VPS4A: variants seen among roughly 807,000 people sequenced by gnomAD.
VPS4A encodes vacuolar protein sorting-associated protein 4A.
VPS4A carries 20 observed loss-of-function variants against 52.3 expected under a neutral mutation model. The ratio of observed to expected loss-of-function variants is 0.38; its 90% CI spans 0.27 to 0.56. The LOEUF (loss-of-function observed/expected upper bound fraction) is 0.56, where lower values mean the gene tolerates loss of function less well. VPS4A is among the 20% of genes least tolerant of loss of function. The pLI, the probability that VPS4A is intolerant of heterozygous loss-of-function variation, is 0.72. For synonymous variants in VPS4A, 293 were observed against 227.7 expected, an observed-to-expected ratio of 1.29 and a Z score of -2.58; for missense variants, 419 against 575.9, an observed-to-expected ratio of 0.73 and a Z score of 2.79.
intron 10 of VPS4A, chr16:69,323,812 T>C: frequency 2.7e-6 from 1 of 376,898 alleles, no homozygotes; most frequent in South Asian, 2.0e-5. Context: ...CAGCCATGTG[T>C]GGTGGCACGT....
chr16:69,318,204 C>G (rs767287036), intron 3 of VPS4A, among the ~76,000 whole-genome samples: 26 of 152,148 alleles, frequency 1.7e-4, no homozygotes, highest in Non-Finnish European at 3.2e-4. Flanking sequence ...AACTCCTGGG[C>G]TCAAGCGATC....
intron 1 of VPS4A, among the ~76,000 whole-genome samples, chr16:69,312,119 G>A (rs959414456): frequency 1.8e-4 from 28 of 152,120 alleles, no homozygotes; most frequent in African/African-American, 2.4e-5. Flanking sequence ...AGATCAACAT[G>A]CTCAGGCCTC....
chr16:69,316,050 G>A lies in VPS4A; in HGVS notation c.64G>A (p.Ala22Thr), dbSNP rs1490853450. The A allele has an allele frequency of 1.2e-6, 2 of 1,613,596 alleles. No individual in the cohort carries two copies. The highest frequency in any genetic ancestry group is 1.7e-6 in the Non-Finnish European group (2 of 1,179,882). The change falls in exon 2 of 11, where the codon GCC becomes ACC. Residue 22 changes from alanine (A) to threonine (T), a missense_variant. Coordinates refer to ENST00000254950, the MANE Select transcript of VPS4A (RefSeq NM_013245.3). The stretch of plus-strand genomic sequence containing the variant: ...GACGAAAGCCACAGAGGAGGACAAA[G>A]CCAAGAACTACGAGGAGGCGCTGCG... The part of the protein sequence containing the change: ...LVTKATEEDK[A>T]KNYEEALRLY...
intron 3 of VPS4A, among the ~76,000 whole-genome samples, chr16:69,317,582 A>G (rs945565530): frequency 2.0e-5 from 3 of 152,144 alleles, no homozygotes; most frequent in African/African-American, 7.2e-5. Flanking sequence ...TCACGAGGTC[A>G]GGAGATTGAG....
At position 69,311,383 on chromosome 16, in the gene VPS4A, C is replaced by G. The variant is rs1479995494; in HGVS notation, c.-129C>G. ...ACTCGGCTCCCGCTGCGAGCGGCCG[C>G]CCTGCCCGCGCACCGCGCTCAGCGC... On this transcript the variant is annotated 5_prime_UTR_variant, in exon 1 of 11. Coordinates refer to ENST00000254950, the MANE Select transcript of VPS4A (RefSeq NM_013245.3). 5.6e-6 allele frequency: 6 copies of G among 1,066,196 alleles called. No individual in the cohort carries two copies. The South Asian group carries it at 1.9e-4, about 33-fold the overall frequency. The allele number at this position is 1,066,196 out of a possible 1,614,324, so 66.0% of individuals were successfully genotyped here. A position where few individuals can be genotyped will look rare whatever the true frequency, so the allele number is the denominator to read the frequency against.
chr16:69,326,555 GTCCA>G lies in VPS4A; in HGVS notation c.*2250_*2253del, dbSNP rs1965599541. ...GTTAACAAAGGTTAGCATGGCTATG[GTCCA>G]TCCCTGTGCTCTAGTTAGAGCGTGA... On this transcript the variant is annotated 3_prime_UTR_variant, in exon 11 of 11. Coordinates refer to ENST00000254950, the MANE Select transcript of VPS4A (RefSeq NM_013245.3). 3 of 152,178 alleles carry G rather than the reference GTCCA, an allele frequency of 2.0e-5. No homozygotes were observed. In the South Asian group the frequency reaches 6.2e-4, roughly 31 times the overall value. The allele number at this position is 152,178 out of a possible 1,614,324, so 9.4% of individuals were successfully genotyped here. A position where few individuals can be genotyped will look rare whatever the true frequency, so the allele number is the denominator to read the frequency against.
At chr16:69,323,552 A>AAGAC (rs1220905000) in intron 10 of VPS4A, 1 of 442,980 alleles carries the variant, frequency 2.3e-6, no homozygotes, top group East Asian at 7.0e-5. Flanking sequence ...TGAATGTGTC[A>AAGAC]AGACTGTGAC....
chr16:69,317,464 C>T lies in VPS4A; in HGVS notation c.281+1092C>T, dbSNP rs1054050354. 2.6e-5 allele frequency among the ~76,000 whole-genome samples: 4 copies of T among 152,174 alleles called. No homozygotes were observed. The East Asian group carries it at 5.8e-4, about 22-fold the overall frequency. On this transcript the variant is annotated intron_variant, in intron 3 of 10. Transcript: ENST00000254950. The stretch of plus-strand genomic sequence containing the variant: ...CTTGAGGTCAGGATTTCAAAACCAG[C>T]CTGGCCAACATGGTGAATCCCGTCT...
Position 69,311,530 on chromosome 16 carries a change from C to G in VPS4A, c.19C>G (p.Gln7Glu). The G allele has an allele frequency of 7.4e-7, 1 of 1,346,634 alleles. No homozygotes were observed. Among genetic ancestry groups the G allele is most frequent in the Non-Finnish European group, 9.7e-7 (1 of 1,036,002 alleles). The allele number at this position is 1,346,634 out of a possible 1,614,324, so 83.4% of individuals were successfully genotyped here. MTTSTL[Q>E]KAIDLVTKAT... is the part of the protein sequence containing the mutation. ...AGATGAAATGACAACGTCAACCCTC[C>G]AGGTACTTCGTGCGGCCCGGCCCGA... The change falls in exon 1 of 11, where the codon CAG becomes GAG. Residue 7 changes from glutamine to glutamate, a missense_variant and splice_region_variant. Gln to Glu is a conservative substitution (Grantham distance 29). This residue lies in a region of VPS4A where 131 missense variants were observed against 165.4 expected (regional missense o/e 0.79). Coordinates refer to ENST00000254950, the MANE Select transcript of VPS4A (RefSeq NM_013245.3).
intron 6 of VPS4A, among the ~76,000 whole-genome samples, chr16:69,319,809 G>A (rs1213087354): frequency 6.6e-6 from 1 of 152,166 alleles, no homozygotes; most frequent in Non-Finnish European, 1.5e-5. Flanking sequence ...GTCCCTGTTG[G>A]GGCAGTGTGT....
In VPS4A at chr16:69,324,343, A is replaced by G; in HGVS notation, c.*34A>G. On this transcript the variant is annotated 3_prime_UTR_variant, in exon 11 of 11. Coordinates refer to ENST00000254950, the MANE Select transcript of VPS4A (RefSeq NM_013245.3). Reference sequence around the variant, plus strand: ...TCACTTGGGCAATGGTGAAGGTGGGAGGTTGATTGGGGCAAATCCAGGCAC... The same window carrying G: ...TCACTTGGGCAATGGTGAAGGTGGGGGGTTGATTGGGGCAAATCCAGGCAC... 1 of 1,605,074 alleles carries G rather than the reference A, an allele frequency of 6.2e-7. No homozygotes were observed. Among genetic ancestry groups the G allele is most frequent in the Middle Eastern group, 1.7e-4 (1 of 6,046 alleles).
chr16:69,314,112 C>T (rs569788580), intron 1 of VPS4A, among the ~76,000 whole-genome samples: 9 of 151,196 alleles, frequency 6.0e-5, no homozygotes, highest in Admixed American at 2.6e-4. Context: ...ACTACAGGCA[C>T]GCGTCACCAC....
In VPS4A at chr16:69,316,245, G is replaced by T; in HGVS notation, c.154G>T (p.Ala52Ser). ...AIKYEAHSDK[A>S]KESIRAKCVQ... The stretch of plus-strand genomic sequence containing the variant: ...CACAGATGAGGCCCACAGCGACAAG[G>T]CCAAGGAGAGCATTCGAGCCAAGTG... The change falls in exon 3 of 11, where the codon GCC (alanine) becomes TCC (serine). Residue 52 changes from alanine to serine, a missense_variant. By Grantham distance (99) the Ala-to-Ser change is moderately conservative. Around this residue, in one of 3 missense-constraint regions of VPS4A, gnomAD observed 131 missense variants for 165.4 expected, o/e 0.79. Coordinates refer to ENST00000254950, the MANE Select transcript of VPS4A (RefSeq NM_013245.3). The T allele has an allele frequency of 2.5e-6, 4 of 1,613,646 alleles. No homozygotes were observed. The highest frequency in any genetic ancestry group is 3.4e-6 in the Non-Finnish European group (4 of 1,179,864).
Position 69,324,532 on chromosome 16 carries a change from C to T in VPS4A, c.*223C>T. On this transcript the variant is annotated 3_prime_UTR_variant, in exon 11 of 11. Coordinates refer to ENST00000254950, the MANE Select transcript of VPS4A (RefSeq NM_013245.3). Reference sequence around the variant, plus strand: ...CAGTGGACACTGCTCTTCCTACTTCCTCCTCTCCTGGATGCTCATCAGCTC... The same window carrying T: ...CAGTGGACACTGCTCTTCCTACTTCTTCCTCTCCTGGATGCTCATCAGCTC... 1.8e-6 allele frequency: 1 copy of T among 551,894 alleles called. No individual in the cohort carries two copies. The highest frequency in any genetic ancestry group is 3.3e-6 in the Non-Finnish European group (1 of 306,056). 34.2% of individuals were successfully genotyped at this position (551,894 alleles called of 1,614,324 possible). A position where few individuals can be genotyped will look rare whatever the true frequency, so the allele number is the denominator to read the frequency against.
At chr16:69,318,040 C>T (rs1965460614) in intron 3 of VPS4A, among the ~76,000 whole-genome samples, 1 of 145,738 alleles carries the variant, frequency 6.9e-6, no homozygotes, top group Non-Finnish European at 1.5e-5. Context: ...GACAGGGCTT[C>T]ACTGTCTCCC....
chr16:69,323,931 C>CA (rs1456580813), intron 10 of VPS4A, among the ~76,000 whole-genome samples: 8 of 119,466 alleles, frequency 6.7e-5, no homozygotes, highest in Non-Finnish European at 3.3e-5. Flanking sequence ...GCCTGGGTGA[C>CA]AGACTCCGTC....
chr16:69,319,853 T>G (rs1193314439), intron 6 of VPS4A, among the ~76,000 whole-genome samples: 1 of 152,190 alleles, frequency 6.6e-6, no homozygotes, highest in Non-Finnish European at 1.5e-5. Context: ...ACTCCTGTTT[T>G]GCGTGTGATG....
At chr16:69,318,327 G>A (rs976475519) in intron 3 of VPS4A, among the ~76,000 whole-genome samples, 1 of 152,198 alleles carries the variant, frequency 6.6e-6, no homozygotes, top group Admixed American at 6.5e-5. Flanking sequence ...GTGAGTCACC[G>A]CACCTGGCCT....
chr16:69,320,934 C>T lies in VPS4A; in HGVS notation c.852-117C>T, dbSNP rs191829082. On this transcript the variant is annotated intron_variant, in intron 8 of 10. Coordinates refer to ENST00000254950, the MANE Select transcript of VPS4A (RefSeq NM_013245.3). The surrounding 1 kb of genome is among the most constrained non-coding windows in gnomAD (Gnocchi z 4.2). ...TGAGGCTGGCTTGTTGAGGATGTGCCGCCAGCATCACTGGCCCATGAAATG... is the reference window on the plus strand; with the variant it reads ...TGAGGCTGGCTTGTTGAGGATGTGCTGCCAGCATCACTGGCCCATGAAATG... 2.8e-4 allele frequency: 352 copies of T among 1,243,068 alleles called. No homozygotes were observed. Among genetic ancestry groups the T allele is most frequent in the Non-Finnish European group, 3.5e-4 (308 of 880,592 alleles). The allele number at this position is 1,243,068 out of a possible 1,614,324, so 77.0% of individuals were successfully genotyped here. A position where few individuals can be genotyped will look rare whatever the true frequency, so the allele number is the denominator to read the frequency against.
Sources: allele counts gnomAD v4.1 joint callset (sites outside exome capture counted in the v4.1 genomes callset), GRCh38; gene constraint gnomAD v4.1.1; regional missense constraint gnomAD v4.1.1; non-coding constraint Gnocchi (gnomAD v3.1); transcripts MANE v1.5; gene names NCBI Gene and HGNC (gene_info 2026-07-23, HGNC 2026-07-21).